Variants in ARHGEF38 observed in about 807,000 individuals in gnomAD.
The protein encoded by ARHGEF38 is Rho guanine nucleotide exchange factor 38.
ARHGEF38 carries 79 observed loss-of-function variants against 79.9 expected under a neutral mutation model. That is an observed-to-expected ratio of 0.99 (90% CI 0.82 to 1.19). The LOEUF (loss-of-function observed/expected upper bound fraction) is 1.19, where lower values mean the gene tolerates loss of function less well. Among genes scored for constraint, ARHGEF38 ranks in the 50% most tolerant of loss-of-function variants. The pLI is 0.00. For synonymous variants in ARHGEF38, 366 were observed against 328.3 expected (o/e 1.11, Z -1.24); for missense variants, 962 against 907.2 (o/e 1.06, Z -0.78).
At chr4:105,627,725 C>T (rs1015622996) in intron 3 of ARHGEF38, among the ~76,000 whole-genome samples, 3 of 152,162 alleles carry the variant, frequency 2.0e-5, no homozygotes, top group Non-Finnish European at 4.4e-5. Context: ...CTCCTCTGCT[C>T]CTAATCATCC....
rs1560759768 is a variant in ARHGEF38 at position 105,667,161 on chromosome 4, C to T, written c.1722C>T (p.Arg574=). The T allele has an allele frequency of 2.6e-6, 4 of 1,535,090 alleles. No homozygotes were observed. Among genetic ancestry groups the T allele is most frequent in the Non-Finnish European group, 2.6e-6 (3 of 1,146,418 alleles). The change falls in exon 12 of 14, where the codon CGC becomes CGT. Residue 574 remains arginine, a synonymous_variant. Coordinates refer to ENST00000420470, the MANE Select transcript of ARHGEF38 (RefSeq NM_001242729.2). ...TGCCACATCAAACTGACATTCATCGCTCCAAACTTCTATCCACATATAGTG... is the reference window on the plus strand; with the variant it reads ...TGCCACATCAAACTGACATTCATCGTTCCAAACTTCTATCCACATATAGTG... The part of the protein sequence containing the change: ...PEMPHQTDIH[R]SKLLSTYSAE...
intron 3 of ARHGEF38, among the ~76,000 whole-genome samples, chr4:105,628,735 A>T (rs1306426496): frequency 1.3e-5 from 2 of 152,120 alleles, no homozygotes; most frequent in Non-Finnish European, 2.9e-5. Context: ...ACACACTCAC[A>T]TGTGTGCACA....
chr4:105,552,940 G>T lies in ARHGEF38; in HGVS notation c.175G>T (p.Glu59Ter), dbSNP rs148016102. Residue 59 changes from glutamate to a stop codon, truncating the protein, a stop_gained, in exon 1 of 14, where the codon GAA becomes TAA. Coordinates refer to ENST00000420470, the MANE Select transcript of ARHGEF38 (RefSeq NM_001242729.2). LOFTEE classifies it high-confidence loss of function. ...GAGGAGGAGCCAATCTGACAGGACC[G>T]AATACAACCAGAAATTACAAGGTAA... is the stretch of plus-strand genomic sequence containing the variant. ...TLRRSQSDRTEYNQKLQEKMT... is the reference protein window; with the variant it reads ...TLRRSQSDRT The T allele has an allele frequency of 1.1e-3, 1,699 of 1,608,868 alleles. 15 individuals are homozygous for T. The highest frequency in any genetic ancestry group is 3.0e-3 in the Middle Eastern group (18 of 5,986).
chr4:105,679,646 T>G lies in ARHGEF38; in HGVS notation c.*1709T>G. ...TAAGAAATGGAAGCCAGAGACCTTA[T>G]GGCATCCATGCTTTTAAATTTAACT... On this transcript the variant is annotated 3_prime_UTR_variant, in exon 14 of 14. Coordinates refer to ENST00000420470, the MANE Select transcript of ARHGEF38 (RefSeq NM_001242729.2). The G allele has an allele frequency of 1.3e-6, 1 of 799,904 alleles. No homozygotes were observed. The highest frequency in any genetic ancestry group is 2.4e-5 in the East Asian group (1 of 41,174). 49.6% of individuals were successfully genotyped at this position (799,904 alleles called of 1,614,324 possible).
At chr4:105,639,347 T>C (rs71599062) in intron 5 of ARHGEF38, among the ~76,000 whole-genome samples, 4,613 of 152,106 alleles carry the variant, frequency 0.03, 113 homozygotes, top group Middle Eastern at 0.072. Flanking sequence ...AGTTTATGGC[T>C]GTTTCAGGCT....
chr4:105,625,690 T>G (rs140219868), intron 3 of ARHGEF38, among the ~76,000 whole-genome samples: 1 of 152,342 alleles, frequency 6.6e-6, no homozygotes, highest in Admixed American at 6.5e-5. Flanking sequence ...TATATCCCAC[T>G]GTGGGCTTTA....
chr4:105,590,081 AGG>A (rs2110458358), intron 2 of ARHGEF38, among the ~76,000 whole-genome samples: 2 of 77,874 alleles, frequency 2.6e-5, no homozygotes, highest in Admixed American at 1.2e-4. Context: ...GAAAGAAGGA[AGG>A]AAGGAAGGAA....
At chr4:105,575,455 T>C (rs1228056907) in intron 1 of ARHGEF38, among the ~76,000 whole-genome samples, 1 of 152,222 alleles carries the variant, frequency 6.6e-6, no homozygotes, top group Non-Finnish European at 1.5e-5. Context: ...TATATCTTCT[T>C]TTGAGAAACG....
At chr4:105,561,789 T>C (rs1725644793) in intron 1 of ARHGEF38, 1 of 152,136 alleles carries the variant, frequency 6.6e-6, no homozygotes, top group Admixed American at 6.5e-5. Flanking sequence ...GGAGGCTTTG[T>C]AGGAAGAAAG....
At chr4:105,668,925 A>G (rs1210924887) in intron 13 of ARHGEF38, among the ~76,000 whole-genome samples, 2 of 152,138 alleles carry the variant, frequency 1.3e-5, no homozygotes, top group Non-Finnish European at 2.9e-5. Context: ...CCACATCTGT[A>G]GTCCCAGCTA....
chr4:105,643,525 A>G (rs112038653), intron 5 of ARHGEF38, among the ~76,000 whole-genome samples: 3 of 152,154 alleles, frequency 2.0e-5, no homozygotes, highest in Non-Finnish European at 4.4e-5. Flanking sequence ...TTCCTCAGCC[A>G]TTTATTCACG....
At chr4:105,628,047 C>T (rs949246209) in intron 3 of ARHGEF38, among the ~76,000 whole-genome samples, 3 of 151,606 alleles carry the variant, frequency 2.0e-5, no homozygotes, top group African/African-American at 7.3e-5. Flanking sequence ...AAAAAAGATT[C>T]TTCTGTTAAA....
chr4:105,643,382 A>G (rs1481091817), intron 5 of ARHGEF38, among the ~76,000 whole-genome samples: 1 of 151,996 alleles, frequency 6.6e-6, no homozygotes, highest in East Asian at 1.9e-4. Flanking sequence ...ACAGCCTATT[A>G]AAGCAACTCT....
At chr4:105,637,595 C>CT (rs1205051616) in intron 5 of ARHGEF38, among the ~76,000 whole-genome samples, 1 of 152,126 alleles carries the variant, frequency 6.6e-6, no homozygotes, top group African/African-American at 2.4e-5. Context: ...ATTATACAGC[C>CT]TGTGTCCCTG....
chr4:105,580,836 G>A (rs574623765), intron 1 of ARHGEF38, among the ~76,000 whole-genome samples: 4 of 151,966 alleles, frequency 2.6e-5, no homozygotes, highest in South Asian at 4.2e-4. Context: ...CACTAAGCCC[G>A]GCTAGTTTTT....
intron 6 of ARHGEF38, among the ~76,000 whole-genome samples, chr4:105,648,277 T>C (rs1729940254): frequency 6.6e-6 from 1 of 152,068 alleles, no homozygotes; most frequent in South Asian, 2.1e-4. Context: ...GGAGAACTTT[T>C]TTCTAGTATC....
chr4:105,597,490 C>A (rs1308592903), intron 2 of ARHGEF38, among the ~76,000 whole-genome samples: 1 of 152,130 alleles, frequency 6.6e-6, no homozygotes, highest in Admixed American at 6.5e-5. Flanking sequence ...ACCCAGCTAC[C>A]CTTCCCATCT....
intron 1 of ARHGEF38, among the ~76,000 whole-genome samples, chr4:105,560,463 G>C (rs1725461621): frequency 6.6e-6 from 1 of 152,098 alleles, no homozygotes; most frequent in African/African-American, 2.4e-5. Context: ...GAATACATTT[G>C]CAAATGAAAA....
At chr4:105,563,750 G>A (rs2110406510) in intron 1 of ARHGEF38, among the ~76,000 whole-genome samples, 1 of 152,298 alleles carries the variant, frequency 6.6e-6, no homozygotes, top group African/African-American at 2.4e-5. Context: ...ATACTCACAA[G>A]CATCAAGAGA....
Sources: allele counts gnomAD v4.1 joint callset (sites outside exome capture counted in the v4.1 genomes callset), GRCh38; gene constraint gnomAD v4.1.1; transcripts MANE v1.5; gene names NCBI Gene and HGNC (gene_info 2026-07-23, HGNC 2026-07-21).